Variants in ARL15 observed in about 807,000 individuals in gnomAD.
The protein encoded by ARL15 is ADP-ribosylation factor-like protein 15.
ARL15 carries 19 observed loss-of-function variants against 25.2 expected under a neutral mutation model. That is an observed-to-expected ratio of 0.75 (90% confidence interval 0.53 to 1.10). The LOEUF is 1.10. Ranked by LOEUF, ARL15 falls within the 50% of genes least tolerant of loss-of-function variation. The pLI, the probability that ARL15 is intolerant of heterozygous loss-of-function variation, is 0.00. For missense variants in ARL15, 220 were observed against 246.0 expected (o/e 0.89, Z 0.71); for synonymous variants, 94 against 86.8 (o/e 1.08, Z -0.46).
chr5:54,252,111 A>C (rs1421985903), intron 1 of ARL15, among the ~76,000 whole-genome samples: 2 of 152,258 alleles, frequency 1.3e-5, no homozygotes, highest in South Asian at 4.1e-4. Context: ...TATGGACCTT[A>C]TAGTAACTGG....
At chr5:54,130,377 C>T (rs771750850) in intron 3 of ARL15, among the ~76,000 whole-genome samples, 1 of 152,150 alleles carries the variant, frequency 6.6e-6, no homozygotes, top group African/African-American at 2.4e-5. Context: ...CACCCAGTGA[C>T]GATGTGGCAT....
chr5:53,963,743 G>A (rs1747446989), intron 4 of ARL15, among the ~76,000 whole-genome samples: 2 of 151,806 alleles, frequency 1.3e-5, no homozygotes, highest in South Asian at 4.2e-4. Context: ...GGGAGGTGGA[G>A]GTTGCAATGA....
chr5:53,908,787 T>C (rs1274183441), intron 4 of ARL15, among the ~76,000 whole-genome samples: 2 of 152,196 alleles, frequency 1.3e-5, no homozygotes, highest in Admixed American at 6.5e-5. Context: ...ATGACTTCCC[T>C]ATTTGACAAA....
intron 4 of ARL15, among the ~76,000 whole-genome samples, chr5:53,952,173 A>G (rs780217134): frequency 5.9e-5 from 9 of 152,048 alleles, no homozygotes; most frequent in Non-Finnish European, 1.0e-4. Flanking sequence ...TAAGGCAGAG[A>G]ATTGCTTGAA....
chr5:54,154,553 A>G, intron 3 of ARL15, 27 bp downstream of exon 3: 1 of 1,433,524 alleles, frequency 7.0e-7, no homozygotes, highest in Non-Finnish European at 9.4e-7. Flanking sequence ...TTAAGGGCAG[A>G]CATAGAAATG....
intron 1 of ARL15, among the ~76,000 whole-genome samples, chr5:54,306,391 CTT>C (rs11338403): frequency 2.7e-4 from 36 of 134,498 alleles, no homozygotes; most frequent in East Asian, 2.4e-3. Context: ...AATACGTTAA[CTT>C]TTTTTTTTTT....
chr5:54,106,262 G>A (rs1752587143), intron 4 of ARL15, among the ~76,000 whole-genome samples: 1 of 152,102 alleles, frequency 6.6e-6, no homozygotes, highest in Admixed American at 6.5e-5. Flanking sequence ...TAACAGGTCA[G>A]GTTTGGTGTT....
chr5:54,152,588 G>T (rs1437906336), intron 3 of ARL15, among the ~76,000 whole-genome samples: 1 of 152,128 alleles, frequency 6.6e-6, no homozygotes, highest in Non-Finnish European at 1.5e-5. Flanking sequence ...AAGAATCTAT[G>T]CATAGGCTAG....
chr5:54,097,864 C>T (rs772022261), intron 4 of ARL15, among the ~76,000 whole-genome samples: 14 of 152,226 alleles, frequency 9.2e-5, no homozygotes, highest in Non-Finnish European at 2.1e-4. Context: ...CACACACAGA[C>T]ATCAGTGCTG....
intron 1 of ARL15, among the ~76,000 whole-genome samples, chr5:54,215,045 A>G (rs545542627): frequency 6.6e-6 from 1 of 152,186 alleles, no homozygotes; most frequent in East Asian, 1.9e-4. Flanking sequence ...GGCAAATGGG[A>G]GACACCAGCC....
chr5:54,057,199 G>A (rs1429199782), intron 4 of ARL15, among the ~76,000 whole-genome samples: 2 of 152,134 alleles, frequency 1.3e-5, no homozygotes, highest in Non-Finnish European at 2.9e-5. Context: ...AGGAATAAAA[G>A]ATGTTTATAA....
chr5:53,938,259 A>T (rs550977201), intron 4 of ARL15, among the ~76,000 whole-genome samples: 36 of 152,280 alleles, frequency 2.4e-4, no homozygotes, highest in Non-Finnish European at 4.0e-4. Context: ...TAAAAAAAAA[A>T]AAATCAAAAT....
chr5:54,045,236 C>T (rs1395988491), intron 4 of ARL15, among the ~76,000 whole-genome samples: 1 of 152,306 alleles, frequency 6.6e-6, no homozygotes, highest in African/African-American at 2.4e-5. Flanking sequence ...CACACACACA[C>T]ACAATTGGGC....
intron 4 of ARL15, among the ~76,000 whole-genome samples, chr5:54,043,599 A>T (rs967155092): frequency 1.1e-4 from 17 of 152,192 alleles, no homozygotes; most frequent in Non-Finnish European, 1.0e-4. Flanking sequence ...AGTCATGGAA[A>T]TTAGATTTGC....
At chr5:54,071,986 AAAAAAAAAAG>A (rs1275046718) in intron 4 of ARL15, among the ~76,000 whole-genome samples, 1 of 151,628 alleles carries the variant, frequency 6.6e-6, no homozygotes, top group East Asian at 1.9e-4. Flanking sequence ...AAAGAAAAAA[AAAAAAAAAAG>A]AAAAAAAAAG....
intron 4 of ARL15, among the ~76,000 whole-genome samples, chr5:54,084,594 C>A (rs1377983859): frequency 6.6e-6 from 1 of 152,130 alleles, no homozygotes; most frequent in Non-Finnish European, 1.5e-5. Flanking sequence ...TTGTACGACC[C>A]CCAGATGCAC....
At chr5:54,282,589 G>A (rs1758087999) in intron 1 of ARL15, 1 of 977,906 alleles carries the variant, frequency 1.0e-6, no homozygotes, top group Admixed American at 6.1e-5. Context: ...TTTAAGGAGT[G>A]TAACTTATTG....
intron 1 of ARL15, among the ~76,000 whole-genome samples, chr5:54,178,515 C>T (rs183796311): frequency 8.8e-4 from 134 of 152,248 alleles, no homozygotes; most frequent in Non-Finnish European, 3.4e-4. Flanking sequence ...TCGATAAATA[C>T]TTTTTAGATT....
chr5:53,903,071 T>C (rs964928356), intron 4 of ARL15, among the ~76,000 whole-genome samples: 7 of 152,044 alleles, frequency 4.6e-5, no homozygotes, highest in Admixed American at 2.6e-4. Context: ...GCAGGCCGTC[T>C]AAAGAAAAGC....
Sources: gnomAD v4.1 joint callset for allele counts (sites outside exome capture counted in the v4.1 genomes callset) on GRCh38, gnomAD v4.1.1 for gene constraint, MANE v1.5 for transcripts, NCBI Gene and HGNC (gene_info 2026-07-23, HGNC 2026-07-21) for gene names.